The following RNGTT variants were observed in gnomAD, a reference collection of about 807,000 sequenced individuals.
The protein encoded by RNGTT is mRNA-capping enzyme.
In RNGTT, 33 loss-of-function variants were observed where a neutral mutation model predicts 79.3. The ratio of observed to expected loss-of-function variants is 0.42; its 90% CI spans 0.32 to 0.56. RNGTT has a LOEUF of 0.56. RNGTT is among the 20% of genes least tolerant of loss of function. The pLI is 0.17. For missense variants in RNGTT, 497 were observed against 739.1 expected (o/e 0.67, Z 3.80); for synonymous variants, 222 against 235.9 (o/e 0.94, Z 0.54).
intron 1 of RNGTT, among the ~76,000 whole-genome samples, chr6:88,953,077 CA>C (rs1385518654): frequency 6.6e-6 from 1 of 152,082 alleles, no homozygotes; most frequent in African/African-American, 2.4e-5. Flanking sequence ...TAAAACGCCC[CA>C]AAAATCATAC....
At chr6:88,777,579 T>C (rs1210608049) in intron 12 of RNGTT, among the ~76,000 whole-genome samples, 2 of 152,196 alleles carry the variant, frequency 1.3e-5, no homozygotes, top group Non-Finnish European at 1.5e-5. Flanking sequence ...GTAAATGAGA[T>C]TGTTTTCTTC....
At position 88,679,798 on chromosome 6, in the gene RNGTT, A is replaced by G. The variant is rs2127790342; in HGVS notation, c.1440-1379T>C. Among the ~76,000 whole-genome samples, 2 of 152,324 alleles carry G rather than the reference A, an allele frequency of 1.3e-5. 1 individual carries two copies. Among genetic ancestry groups the G allele is most frequent in the South Asian group, 4.1e-4 (2 of 4,826 alleles). ...GTGTTTAACTGACCTAAATGTAGATATATCTCATCTTTCTTTTATCACAAA... is the reference window on the plus strand; with the variant it reads ...GTGTTTAACTGACCTAAATGTAGATGTATCTCATCTTTCTTTTATCACAAA... On this transcript the variant is annotated intron_variant, in intron 13 of 15. Coordinates refer to ENST00000369485, the MANE Select transcript of RNGTT (RefSeq NM_003800.5).
chr6:88,694,993 T>C (rs1218777269), intron 13 of RNGTT, among the ~76,000 whole-genome samples: 1 of 152,140 alleles, frequency 6.6e-6, no homozygotes, highest in African/African-American at 2.4e-5. Flanking sequence ...GCCCAGTCTG[T>C]GGTATTTTGT....
At position 88,741,907 on chromosome 6, in the gene RNGTT, C is replaced by T. The variant is rs192073117; in HGVS notation, c.1439+27867G>A. Among the ~76,000 whole-genome samples the T allele has an allele frequency of 4.6e-5, 7 of 152,250 alleles. No individual in the cohort carries two copies. The East Asian group carries it at 1.2e-3, about 25-fold the overall frequency. ...AATAATTATCGACTGGTAGGACGAC[C>T]TGATCTTTCCGTTGCTATTAGTAGG... is the stretch of plus-strand genomic sequence containing the variant. On this transcript the variant is annotated intron_variant, in intron 13 of 15. Transcript: ENST00000369485.
rs202107796 is a variant in RNGTT at position 88,849,743 on chromosome 6, A to T, written c.1104+12T>A. ...AGTAATAACTTGTATTTTATAAATT[A>T]TAGGTACTTACATTGAATTTAATTA... On this transcript the variant is annotated intron_variant, in intron 10 of 15. Transcript: ENST00000369485. 1.3e-5 allele frequency: 19 copies of T among 1,511,112 alleles called. No homozygotes were observed. The Admixed American group carries it at 1.7e-4, about 14-fold the overall frequency. The allele number at this position is 1,511,112 out of a possible 1,614,324, so 93.6% of individuals were successfully genotyped here.
chr6:88,915,405 G>C (rs1486827203), intron 4 of RNGTT, among the ~76,000 whole-genome samples: 1 of 152,160 alleles, frequency 6.6e-6, no homozygotes, highest in East Asian at 1.9e-4. Flanking sequence ...ATAAAATGCA[G>C]TACATATATA....
intron 12 of RNGTT, among the ~76,000 whole-genome samples, chr6:88,776,386 C>G (rs1410458466): frequency 6.7e-6 from 1 of 150,050 alleles, no homozygotes; most frequent in Non-Finnish European, 1.5e-5. Flanking sequence ...GTGGCGCAAT[C>G]TCAGCTCACC....
At chr6:88,916,698 A>C (rs530417108) in intron 4 of RNGTT, among the ~76,000 whole-genome samples, 8 of 152,228 alleles carry the variant, frequency 5.3e-5, no homozygotes, top group Non-Finnish European at 1.0e-4. Context: ...ACATTTAAAA[A>C]TATATGCCAA....
At chr6:88,651,885 T>C (rs1773810760) in intron 14 of RNGTT, among the ~76,000 whole-genome samples, 1 of 152,086 alleles carries the variant, frequency 6.6e-6, no homozygotes, top group African/African-American at 2.4e-5. Flanking sequence ...CAACCTAAAA[T>C]GTCATTTTAT....
chr6:88,703,420 C>A (rs952460652), intron 13 of RNGTT, among the ~76,000 whole-genome samples: 9 of 152,150 alleles, frequency 5.9e-5, no homozygotes, highest in African/African-American at 2.2e-4. Flanking sequence ...TAGCTGGAGG[C>A]CATTGTCCTA....
At chr6:88,789,783 G>C (rs927141668) in intron 12 of RNGTT, among the ~76,000 whole-genome samples, 7 of 152,242 alleles carry the variant, frequency 4.6e-5, no homozygotes, top group Admixed American at 2.6e-4. Flanking sequence ...TTTGCCTTTG[G>C]AATATTTCTG....
intron 2 of RNGTT, among the ~76,000 whole-genome samples, chr6:88,933,462 A>G (rs868704207): frequency 1.3e-5 from 2 of 149,470 alleles, no homozygotes; most frequent in Non-Finnish European, 3.0e-5. Flanking sequence ...CTATCATTCT[A>G]CTCTCTATGT....
chr6:88,944,685 T>A (rs1241913254), intron 1 of RNGTT, among the ~76,000 whole-genome samples: 2 of 152,206 alleles, frequency 1.3e-5, no homozygotes, highest in Non-Finnish European at 2.9e-5. Flanking sequence ...CCAAACTTTT[T>A]AAAAAGTTTA....
intron 14 of RNGTT, among the ~76,000 whole-genome samples, chr6:88,638,232 C>T (rs1043566188): frequency 6.6e-6 from 1 of 152,126 alleles, no homozygotes. Context: ...CCAAATTTCT[C>T]TATTGGTTAG....
intron 14 of RNGTT, among the ~76,000 whole-genome samples, chr6:88,625,095 G>T (rs1336558885): frequency 6.6e-6 from 1 of 151,842 alleles, no homozygotes; most frequent in Non-Finnish European, 1.5e-5. Context: ...TGACAACAAT[G>T]CAAGGCAACT....
intron 14 of RNGTT, among the ~76,000 whole-genome samples, chr6:88,654,884 C>T (rs1773920650): frequency 6.6e-6 from 1 of 152,196 alleles, no homozygotes. Flanking sequence ...AACAAAATGG[C>T]ATCACACATA....
chr6:88,824,995 G>A (rs1386289767), intron 11 of RNGTT, among the ~76,000 whole-genome samples: 7 of 151,774 alleles, frequency 4.6e-5, no homozygotes, highest in African/African-American at 9.7e-5. Flanking sequence ...CTCCCACCTC[G>A]GCCTCCCAAA....
chr6:88,779,444 C>T (rs1194535729), intron 12 of RNGTT, among the ~76,000 whole-genome samples: 1 of 152,082 alleles, frequency 6.6e-6, no homozygotes, highest in Non-Finnish European at 1.5e-5. Flanking sequence ...TTCTAAAAAG[C>T]TTTAATATGT....
At position 88,791,163 on chromosome 6, in the gene RNGTT, T is replaced by A. The variant is rs1485956124; in HGVS notation, c.1338+10401A>T. Among the ~76,000 whole-genome samples, 5 of 150,788 alleles carry A rather than the reference T, an allele frequency of 3.3e-5. No individual in the cohort carries two copies. The East Asian group carries it at 9.8e-4, about 29-fold the overall frequency. On this transcript the variant is annotated intron_variant, in intron 12 of 15. Coordinates refer to ENST00000369485, the MANE Select transcript of RNGTT (RefSeq NM_003800.5). ...ACCTTTTTTTTTTTTTTTTTTCAAT[T>A]TTTTTTAAAAAACAATTGTCACCAA...
Sources: allele counts gnomAD v4.1 joint callset (sites outside exome capture counted in the v4.1 genomes callset), GRCh38; gene constraint gnomAD v4.1.1; transcripts MANE v1.5; gene names NCBI Gene and HGNC (gene_info 2026-07-23, HGNC 2026-07-21).